NPL: variants seen among roughly 807,000 people sequenced by gnomAD.
The protein encoded by NPL is N-acetylneuraminate pyruvate lyase.
NPL carries 32 observed loss-of-function variants against 41.1 expected under a neutral mutation model. The ratio of observed to expected loss-of-function variants is 0.78; its 90% CI spans 0.59 to 1.05. The LOEUF (loss-of-function observed/expected upper bound fraction) is 1.05. Ranked by LOEUF, NPL falls within the 50% of genes least tolerant of loss-of-function variation. The pLI is 0.00. For synonymous variants in NPL, 128 were observed against 134.9 expected (o/e 0.95, Z 0.35); for missense variants, 321 against 378.4 (o/e 0.85, Z 1.26).
intron 5 of NPL, 134 bp downstream of exon 5, chr1:182,806,366 G>T (rs1397680943): frequency 1.3e-6 from 2 of 1,550,216 alleles, no homozygotes; most frequent in Non-Finnish European, 1.7e-6. Flanking sequence ...AAGATGAGCA[G>T]GGCCCCCGGG....
chr1:182,794,954 A>G (rs1460407798), intron 3 of NPL, among the ~76,000 whole-genome samples: 1 of 152,196 alleles, frequency 6.6e-6, no homozygotes, highest in Non-Finnish European at 1.5e-5. Context: ...TTTCCTGTTT[A>G]CAGCCTCATT....
At chr1:182,796,088 C>G (rs1239191266) in intron 3 of NPL, among the ~76,000 whole-genome samples, 1 of 148,026 alleles carries the variant, frequency 6.8e-6, no homozygotes, top group Admixed American at 6.8e-5. Flanking sequence ...ATCTGTGGTC[C>G]TGCTGCATCC....
At chr1:182,816,898 C>T (rs1305505326) in intron 8 of NPL, 92 bp downstream of exon 8, 2 of 971,908 alleles carry the variant, frequency 2.1e-6, no homozygotes, top group Admixed American at 3.8e-5. Flanking sequence ...CACCCTACCC[C>T]ATGCCCCAAA....
chr1:182,826,661 AC>A (rs1486049321), intron 12 of NPL: 3 of 152,198 alleles, frequency 2.0e-5, no homozygotes, highest in Non-Finnish European at 2.9e-5. Context: ...GCTATGAACT[AC>A]CTATTATTGT....
At chr1:182,812,053 T>C in intron 5 of NPL, 103 bp from the exon 6 acceptor site, 1 of 1,041,390 alleles carries the variant, frequency 9.6e-7, no homozygotes, top group Non-Finnish European at 1.5e-6. Flanking sequence ...GTGAGATTAA[T>C]AAGGCATCAG....
chr1:182,822,266 TTCTC>T, intron 11 of NPL, 67 bp downstream of exon 11: 1 of 1,046,198 alleles, frequency 9.6e-7, no homozygotes, highest in Non-Finnish European at 1.5e-6. Context: ...ATTCTTTTTC[TTCTC>T]TCTACCATGC....
In NPL at chr1:182,829,723, G is replaced by A. The variant is rs766292965; in HGVS notation, c.*815G>A. ...AGGACCCTGAATTATTGAAATCGAA[G>A]GCTGACTTCCTTTCTGCAGTGAGCC... On this transcript the variant is annotated 3_prime_UTR_variant, in exon 13 of 13. Coordinates refer to ENST00000367553, the MANE Select transcript of NPL (RefSeq NM_030769.3). 1 of 1,235,610 alleles carries A rather than the reference G, an allele frequency of 8.1e-7. No individual in the cohort carries two copies. The highest frequency in any genetic ancestry group is 1.5e-5 in the African/African-American group (1 of 66,724). The allele number at this position is 1,235,610 out of a possible 1,614,324, so 76.5% of individuals were successfully genotyped here. A position where few individuals can be genotyped will look rare whatever the true frequency, so the allele number is the denominator to read the frequency against.
chr1:182,814,654 A>G, intron 6 of NPL, 129 bp from the exon 7 acceptor site: 1 of 790,814 alleles, frequency 1.3e-6, no homozygotes, highest in Non-Finnish European at 2.1e-6. Context: ...AAATTTGGTT[A>G]ATTTTCCCAC....
rs575016073 is a variant in NPL at position 182,807,409 on chromosome 1, A to G, written c.230+1177A>G. Among the ~76,000 whole-genome samples, 17 of 152,312 alleles carry G rather than the reference A, an allele frequency of 1.1e-4. No individual in the cohort carries two copies. In the South Asian group the frequency reaches 3.5e-3, roughly 32 times the overall value. Reference sequence around the variant, plus strand: ...CCCATGATGACCTTGGGAATCCTTAATGGCTTCAGGGCAGCTCCAGTACTC... The same window carrying G: ...CCCATGATGACCTTGGGAATCCTTAGTGGCTTCAGGGCAGCTCCAGTACTC... On this transcript the variant is annotated intron_variant, in intron 5 of 12. Transcript: ENST00000367553.
At position 182,829,112 on chromosome 1, in the gene NPL, C is replaced by T; in HGVS notation, c.*204C>T. On this transcript the variant is annotated 3_prime_UTR_variant, in exon 13 of 13. Transcript: ENST00000367553. ...AACTCTAGGAGTCACAACTCTCAGTCATTCATTTCACAGATTTTTTTGTGG... is the reference window on the plus strand; with the variant it reads ...AACTCTAGGAGTCACAACTCTCAGTTATTCATTTCACAGATTTTTTTGTGG... 7.2e-7 allele frequency: 1 copy of T among 1,391,538 alleles called. No individual in the cohort carries two copies. The highest frequency in any genetic ancestry group is 9.3e-7 in the Non-Finnish European group (1 of 1,078,152). 86.2% of individuals were successfully genotyped at this position (1,391,538 alleles called of 1,614,324 possible). A position where few individuals can be genotyped will look rare whatever the true frequency, so the allele number is the denominator to read the frequency against.
chr1:182,823,485 C>G (rs1457069679), intron 11 of NPL, among the ~76,000 whole-genome samples: 1 of 152,120 alleles, frequency 6.6e-6, no homozygotes, highest in East Asian at 1.9e-4. Context: ...TGTCCTCAGA[C>G]CAAGTGAAGC....
At chr1:182,814,633 T>A (rs1667271316) in intron 6 of NPL, 150 bp from the exon 7 acceptor site, 1 of 699,354 alleles carries the variant, frequency 1.4e-6, no homozygotes, top group Non-Finnish European at 2.5e-6. Context: ...TTCCTGGCAA[T>A]GACATTCATT....
Position 182,812,220 on chromosome 1 carries a change from A to G in NPL, c.288+7A>G. ...GAAGGAGTCACAGGAACTGGTATGT[A>G]TGCAGTTCCATCTGGGAGAGACCAT... On this transcript the variant is annotated splice_region_variant and intron_variant, in intron 6 of 12. Transcript: ENST00000367553. 6 of 1,610,906 alleles carry G rather than the reference A, an allele frequency of 3.7e-6. No individual in the cohort carries two copies. The highest frequency in any genetic ancestry group is 4.2e-6 in the Non-Finnish European group (5 of 1,177,078).
chr1:182,821,959 C>G (rs951049406), intron 10 of NPL, among the ~76,000 whole-genome samples, 156 bp from the exon 11 acceptor site: 3 of 152,202 alleles, frequency 2.0e-5, no homozygotes, highest in African/African-American at 7.2e-5. Context: ...AAACTCAGAA[C>G]TGAAGACAGT....
intron 5 of NPL, among the ~76,000 whole-genome samples, chr1:182,807,847 C>T (rs1294825990): frequency 2.7e-5 from 4 of 146,948 alleles, no homozygotes; most frequent in Non-Finnish European, 4.5e-5. Context: ...GCCAAGATCG[C>T]GCCACTGCAC....
At chr1:182,796,027 G>A (rs1439826414) in intron 3 of NPL, among the ~76,000 whole-genome samples, 2 of 152,108 alleles carry the variant, frequency 1.3e-5, no homozygotes, top group Non-Finnish European at 2.9e-5. Flanking sequence ...CAGATCCCAT[G>A]ATAGAGATAA....
intron 6 of NPL, among the ~76,000 whole-genome samples, chr1:182,813,915 A>G (rs1338854514): frequency 2.6e-5 from 4 of 152,256 alleles, no homozygotes; most frequent in Admixed American, 6.5e-5. Context: ...AATTATTCCC[A>G]GTGCCTTAAT....
In NPL at chr1:182,806,243, G is replaced by A. The variant is rs754956690; in HGVS notation, c.230+11G>A. The stretch of plus-strand genomic sequence containing the variant: ...AAAAGGGAAGGACAAGTGAGTGGCT[G>A]CATGAGGATAAAAATGCCCTTTGGC... On this transcript the variant is annotated intron_variant, in intron 5 of 12. Coordinates refer to ENST00000367553, the MANE Select transcript of NPL (RefSeq NM_030769.3). 3.7e-6 allele frequency: 6 copies of A among 1,614,196 alleles called. 1 individual carries two copies.
chr1:182,790,537 T>C (rs991060302), intron 1 of NPL, among the ~76,000 whole-genome samples: 6 of 152,256 alleles, frequency 3.9e-5, no homozygotes, highest in African/African-American at 1.4e-4. Context: ...TTATCTGTTA[T>C]GCTTCAAAGC....
Sources: gnomAD v4.1 joint callset for allele counts (sites outside exome capture counted in the v4.1 genomes callset) on GRCh38, gnomAD v4.1.1 for gene constraint, MANE v1.5 for transcripts, NCBI Gene and HGNC (gene_info 2026-07-23, HGNC 2026-07-21) for gene names.